The following GLB1 variants were observed in gnomAD, a reference collection of about 807,000 sequenced individuals.
GLB1 encodes the protein galactosidase beta 1.
Under a neutral mutation model 74.0 loss-of-function variants are expected in GLB1, and 56 were observed. That is an observed-to-expected ratio of 0.76 (90% CI 0.61 to 0.94). GLB1 has a LOEUF of 0.94. Among genes scored for constraint, GLB1 ranks in the 40% least tolerant of loss-of-function variants. The pLI is 0.00. For missense variants in GLB1, 787 were observed against 845.5 expected, an observed-to-expected ratio of 0.93 and a Z score of 0.86; for synonymous variants, 323 against 323.6, an observed-to-expected ratio of 1.00 and a Z score of 0.02.
chr3:32,987,124 A>G, the GLB1 span, among the ~76,000 whole-genome samples: 56,115 of 151,868 alleles, frequency 0.37, 10,892 homozygotes, highest in African/African-American at 0.49. Context: ...CCACAGTACA[A>G]CTAGTCCTCC....
the GLB1 span, among the ~76,000 whole-genome samples, chr3:32,991,373 T>C: frequency 6.6e-6 from 1 of 152,170 alleles, no homozygotes; most frequent in Admixed American, 6.5e-5. Context: ...AGACCTTTAG[T>C]GAAATGGATG....
intron 1 of GLB1, chr3:33,092,534 T>G: frequency 8.7e-7 from 1 of 1,143,330 alleles, no homozygotes; most frequent in East Asian, 4.5e-5. Context: ...CCCTGGGAGC[T>G]CTGCAGGAGA....
Position 33,093,464 on chromosome 3 carries a change from C to T in GLB1, c.75+3547G>A. ...AGGCTTCTGAGTCGGAGAGGTCACC[C>T]ACAATCACCGTGATGTCTGGTTCCA... On this transcript the variant is annotated intron_variant, in intron 1 of 15. Transcript: ENST00000307363. This position sits in a 1 kb window ranked among gnomAD's most constrained non-coding sequence, Gnocchi z 6.0. 1 of 1,614,148 alleles carries T rather than the reference C, an allele frequency of 6.2e-7. No homozygotes were observed. The highest frequency in any genetic ancestry group is 8.5e-7 in the Non-Finnish European group (1 of 1,180,036).
chr3:33,072,442 C>T, intron 2 of GLB1, 102 bp downstream of exon 2: 2 of 1,553,936 alleles, frequency 1.3e-6, no homozygotes, highest in Middle Eastern at 2.3e-4. Flanking sequence ...GACCATTTCC[C>T]ATTTCTGAGC....
At chr3:33,054,333 T>C (rs577475835) in intron 6 of GLB1, among the ~76,000 whole-genome samples, 2 of 152,308 alleles carry the variant, frequency 1.3e-5, no homozygotes, top group South Asian at 4.1e-4. Context: ...TAGCTTCTGA[T>C]TGGACCCATT....
intron 1 of GLB1, chr3:33,090,652 A>G (rs7612234): frequency 0.72 from 711,601 of 985,284 alleles, 257,498 homozygotes; most frequent in East Asian, 0.98. Context: ...ATGTTGAACA[A>G]AGGGACTAAA....
At chr3:33,015,252 G>A (rs1428526639) in intron 14 of GLB1, among the ~76,000 whole-genome samples, 1 of 152,176 alleles carries the variant, frequency 6.6e-6, no homozygotes, top group Non-Finnish European at 1.5e-5. Context: ...GCAGCCAGGA[G>A]CAAATATTGG....
At chr3:32,961,813 G>C in the GLB1 span, among the ~76,000 whole-genome samples, 1 of 152,172 alleles carries the variant, frequency 6.6e-6, no homozygotes, top group Admixed American at 6.6e-5. Flanking sequence ...AGGCATTCCA[G>C]CTAGCTAAAA....
rs189326441 is a variant in GLB1 at position 33,070,195 on chromosome 3, C to T, written c.246-1225G>A. ...GTATATGTACCACATTTTCTTTATCCAGTTAAATAAATTTCTGACATATGT... is the reference window on the plus strand; with the variant it reads ...GTATATGTACCACATTTTCTTTATCTAGTTAAATAAATTTCTGACATATGT... On this transcript the variant is annotated intron_variant, in intron 2 of 15. Coordinates refer to ENST00000307363, the MANE Select transcript of GLB1 (RefSeq NM_000404.4). 2.8e-3 allele frequency among the ~76,000 whole-genome samples: 424 copies of T among 152,164 alleles called. 1 individual carries two copies. Among genetic ancestry groups the T allele is most frequent in the African/African-American group, 8.9e-3 (371 of 41,496 alleles).
At chr3:33,092,837 G>C (rs778988494) in intron 1 of GLB1, 3 of 1,597,986 alleles carry the variant, frequency 1.9e-6, no homozygotes, top group Non-Finnish European at 2.6e-6. Context: ...GGCCAGTTCA[G>C]GGAGACCGCT....
At chr3:33,041,560 G>T (rs564026639) in intron 10 of GLB1, among the ~76,000 whole-genome samples, 2 of 151,802 alleles carry the variant, frequency 1.3e-5, no homozygotes, top group Non-Finnish European at 2.9e-5. Flanking sequence ...TGCTTGGGAG[G>T]CTGAGGCAGG....
chr3:32,961,361 G>A, the GLB1 span, among the ~76,000 whole-genome samples: 1 of 152,204 alleles, frequency 6.6e-6, no homozygotes, highest in African/African-American at 2.4e-5. Context: ...GGTAAGAGAT[G>A]GAGCAGGGAC....
At chr3:32,979,102 G>C in the GLB1 span, among the ~76,000 whole-genome samples, 12 of 151,800 alleles carry the variant, frequency 7.9e-5, 1 homozygote, top group South Asian at 2.3e-3. Context: ...TCAGCCTCCC[G>C]AGTAGCTGGG....
intron 10 of GLB1, among the ~76,000 whole-genome samples, chr3:33,026,314 T>C (rs543476311): frequency 6.6e-6 from 1 of 152,304 alleles, no homozygotes; most frequent in Non-Finnish European, 1.5e-5. Context: ...TGTGCAAACG[T>C]TCAGGGTAGC....
chr3:33,096,801 T>G, intron 1 of GLB1: 1 of 1,351,280 alleles, frequency 7.4e-7, no homozygotes, highest in South Asian at 1.8e-5. Flanking sequence ...GCGACCGAGC[T>G]GCCTGGAAGG....
chr3:32,993,522 A>ATTTTT (rs746774682), downstream of GLB1, among the ~76,000 whole-genome samples: 124 of 62,288 alleles, frequency 2.0e-3, 12 homozygotes, highest in Admixed American at 3.0e-3. Context: ...CATCCAGCTA[A>ATTTTT]TTTTTTTTTT....
chr3:33,028,813 G>GCAC (rs1697886386), intron 10 of GLB1, among the ~76,000 whole-genome samples: 2 of 152,038 alleles, frequency 1.3e-5, no homozygotes, highest in Admixed American at 1.3e-4. Flanking sequence ...TTACAGGCAT[G>GCAC]CACCACCACG....
chr3:33,047,535 T>G (rs1340242876), intron 9 of GLB1, among the ~76,000 whole-genome samples: 1 of 152,196 alleles, frequency 6.6e-6, no homozygotes, highest in Non-Finnish European at 1.5e-5. Flanking sequence ...CTCCTCTACT[T>G]CAGAGAGCAT....
intron 1 of GLB1, 56 bp from the exon 2 acceptor site, chr3:33,072,769 C>T (rs1466596382): frequency 1.4e-5 from 22 of 1,609,284 alleles, no homozygotes; most frequent in African/African-American, 5.3e-5. Flanking sequence ...TTTCAGAAGC[C>T]GATCCTTTGA....
Sources: gnomAD v4.1 joint callset for allele counts (sites outside exome capture counted in the v4.1 genomes callset) on GRCh38, gnomAD v4.1.1 for gene constraint, Gnocchi (gnomAD v3.1) non-coding constraint, MANE v1.5 for transcripts, NCBI Gene and HGNC (gene_info 2026-07-23, HGNC 2026-07-21) for gene names.